ZNF133: variants seen among roughly 807,000 people sequenced by gnomAD.
ZNF133 encodes the protein zinc finger protein 133 (clone pHZ-13).
In ZNF133, 26 loss-of-function variants were observed where a neutral mutation model predicts 54.9. The observed-to-expected ratio is 0.47, with a 90% confidence interval of 0.35 to 0.66. The LOEUF is 0.66. ZNF133 is among the 30% of genes least tolerant of loss of function. The pLI is 0.01. For synonymous variants in ZNF133, 298 were observed against 320.3 expected (o/e 0.93, Z 0.74); for missense variants, 653 against 820.8 (o/e 0.80, Z 2.50).
intron 1 of ZNF133, among the ~76,000 whole-genome samples, chr20:18,289,052 C>T (rs2040291057): frequency 6.6e-6 from 1 of 152,128 alleles, no homozygotes; most frequent in Non-Finnish European, 1.5e-5. Context: ...GTCCCCGAGG[C>T]ATTGGTCGGT....
chr20:18,302,180 C>G (rs1260628162), intron 3 of ZNF133, among the ~76,000 whole-genome samples: 1 of 152,054 alleles, frequency 6.6e-6, no homozygotes, highest in Non-Finnish European at 1.5e-5. Context: ...GTTGGTGGAT[C>G]ACCTGAGGTC....
At chr20:18,311,160 A>C (rs180878641) in intron 6 of ZNF133, among the ~76,000 whole-genome samples, 1 of 152,184 alleles carries the variant, frequency 6.6e-6, no homozygotes, top group East Asian at 1.9e-4. Flanking sequence ...TCTCTAAAAA[A>C]ATTTTTATAA....
In ZNF133 at chr20:18,315,315, T is replaced by C. The variant is rs377301648; in HGVS notation, c.464T>C (p.Phe155Ser). The C allele has an allele frequency of 1.4e-4, 221 of 1,614,062 alleles. 2 individuals are homozygous for C. The Middle Eastern group carries it at 6.6e-3, about 48-fold the overall frequency. ...GAGGGAGAAGGTGCCATGCCTTTGT[T>C]TGGAAGAACCAAGAAAAGGACTCTG... ...GPEGEGAMPL[F>S]GRTKKRTLGA... Residue 155 changes from phenylalanine to serine, a missense_variant, in exon 7 of 7, where the codon TTT becomes TCT. Physicochemically the swap from Phe to Ser is radical, Grantham distance 155 (BLOSUM62 -2). Transcript: ENST00000425686.
intron 5 of ZNF133, 69 bp from the exon 6 acceptor site, chr20:18,306,229 T>C: frequency 6.8e-7 from 1 of 1,467,402 alleles, no homozygotes; most frequent in Non-Finnish European, 9.3e-7. Context: ...CTAGGCTGTT[T>C]AGCTTTGAAT....
intron 3 of ZNF133, among the ~76,000 whole-genome samples, chr20:18,299,912 T>A (rs1383325789): frequency 6.6e-6 from 1 of 152,172 alleles, no homozygotes; most frequent in Admixed American, 6.5e-5. Context: ...TGGTGGAGAT[T>A]ACAACCACTA....
Position 18,316,877 on chromosome 20 carries a change from G to A in ZNF133, c.*61G>A. On this transcript the variant is annotated 3_prime_UTR_variant, in exon 7 of 7. Coordinates refer to ENST00000425686, the MANE Select transcript of ZNF133 (RefSeq NM_001352452.2). ...GTTGACACTTTGATGAAATGGAGTA[G>A]AGAAATGCATTCTGTAAGTGGTCAA... 2.0e-6 allele frequency: 3 copies of A among 1,514,796 alleles called. No individual in the cohort carries two copies. The South Asian group carries it at 3.9e-5, about 20-fold the overall frequency. The allele number at this position is 1,514,796 out of a possible 1,614,324, so 93.8% of individuals were successfully genotyped here.
At chr20:18,292,479 G>C (rs1006288460) in intron 1 of ZNF133, among the ~76,000 whole-genome samples, 1 of 152,118 alleles carries the variant, frequency 6.6e-6, no homozygotes, top group Non-Finnish European at 1.5e-5. Context: ...CTGTTCTCTT[G>C]CCCTAGATGT....
At position 18,305,892 on chromosome 20, in the gene ZNF133, T is replaced by G. The variant is rs1322635591; in HGVS notation, c.121+85T>G. The G allele has an allele frequency of 3.3e-6, 5 of 1,525,378 alleles. No homozygotes were observed. 94.5% of individuals were successfully genotyped at this position (1,525,378 alleles called of 1,614,324 possible). ...GAAGCAGCCATCTTGCTTTGTTACTTGACCTTTGGGTTGGACCAAAAAGCA... is the reference window on the plus strand; with the variant it reads ...GAAGCAGCCATCTTGCTTTGTTACTGGACCTTTGGGTTGGACCAAAAAGCA... On this transcript the variant is annotated intron_variant, in intron 5 of 6. Coordinates refer to ENST00000425686, the MANE Select transcript of ZNF133 (RefSeq NM_001352452.2). This position sits in a 1 kb window ranked among gnomAD's most constrained non-coding sequence, Gnocchi z 4.7.
At chr20:18,308,157 T>A (rs2045075418) in intron 6 of ZNF133, among the ~76,000 whole-genome samples, 1 of 152,202 alleles carries the variant, frequency 6.6e-6, no homozygotes, top group African/African-American at 2.4e-5. Context: ...GCATTATTTT[T>A]AAATGACAGA....
At position 18,298,066 on chromosome 20, in the gene ZNF133, A is replaced by G; in HGVS notation, c.-354+4A>G. 1 of 1,535,404 alleles carries G rather than the reference A, an allele frequency of 6.5e-7. No individual in the cohort carries two copies. Among genetic ancestry groups the G allele is most frequent in the African/African-American group, 1.4e-5 (1 of 73,128 alleles). ...GTCCCGGAGAGCCAGGGGAATGGTG[A>G]GTGTTTCCTGTCTCCATTACTGGCT... On this transcript the variant is annotated splice_donor_region_variant and intron_variant, in intron 2 of 6. Coordinates refer to ENST00000425686, the MANE Select transcript of ZNF133 (RefSeq NM_001352452.2).
chr20:18,316,046 A>T lies in ZNF133; in HGVS notation c.1195A>T (p.Asn399Tyr). 6.2e-7 allele frequency: 1 copy of T among 1,613,350 alleles called. No homozygotes were observed. Among genetic ancestry groups the T allele is most frequent in the Non-Finnish European group, 8.5e-7 (1 of 1,179,846 alleles). Residue 399 changes from asparagine to tyrosine, a missense_variant, in exon 7 of 7, where the codon AAC becomes TAC. Physicochemically the swap from Asn to Tyr is moderately radical, Grantham distance 143. This residue lies in a region of ZNF133 where 292 missense variants were observed against 431.6 expected (regional missense o/e 0.68). Transcript: ENST00000425686. ...RCFRQRTTLVNHQRTHSKEKP... is the reference protein window; with the variant it reads ...RCFRQRTTLVYHQRTHSKEKP... ...CTTCAGGCAGAGGACCACCCTTGTC[A>T]ACCACCAGAGGACACACTCAAAGGA... is the stretch of plus-strand genomic sequence containing the variant.
chr20:18,294,500 C>G (rs1316853210), intron 1 of ZNF133, among the ~76,000 whole-genome samples: 1 of 152,124 alleles, frequency 6.6e-6, no homozygotes, highest in East Asian at 1.9e-4. Flanking sequence ...ATGTTAATTT[C>G]CTGCTTTTGA....
Position 18,288,542 on chromosome 20 carries a change from C to G in ZNF133, c.-494C>G. The G allele has an allele frequency of 5.0e-6, 2 of 398,614 alleles. No homozygotes were observed. Among genetic ancestry groups the G allele is most frequent in the Middle Eastern group, 6.3e-4 (1 of 1,588 alleles). The allele number at this position is 398,614 out of a possible 1,614,324, so 24.7% of individuals were successfully genotyped here. A position where few individuals can be genotyped will look rare whatever the true frequency, so the allele number is the denominator to read the frequency against. On this transcript the variant is annotated 5_prime_UTR_variant, in exon 1 of 7. Coordinates refer to ENST00000425686, the MANE Select transcript of ZNF133 (RefSeq NM_001352452.2). ...AGGATTCGGGGTAGTGTAGTCCTGG[C>G]GCCCCGCTGGAGGAGCTCCCCAGCT...
At chr20:18,307,229 T>C (rs1007151279) in intron 6 of ZNF133, among the ~76,000 whole-genome samples, 4 of 152,242 alleles carry the variant, frequency 2.6e-5, no homozygotes, top group African/African-American at 9.6e-5. Flanking sequence ...TTTTCTGTTC[T>C]TTTTGTTTGT....
chr20:18,297,843 C>T, intron 1 of ZNF133, 142 bp from the exon 2 acceptor site: 2 of 572,714 alleles, frequency 3.5e-6, no homozygotes, highest in Non-Finnish European at 6.1e-6. Flanking sequence ...TTGCTGTTTC[C>T]AAGCAGTATC....
At chr20:18,314,838 G>C in intron 6 of ZNF133, 1 of 423,060 alleles carries the variant, frequency 2.4e-6, no homozygotes, top group Non-Finnish European at 4.1e-6. Flanking sequence ...AAAAATGCCA[G>C]GGATGCTTGT....
intron 6 of ZNF133, among the ~76,000 whole-genome samples, chr20:18,308,987 G>A (rs1345853411): frequency 1.3e-5 from 2 of 152,224 alleles, no homozygotes; most frequent in African/African-American, 4.8e-5. Context: ...GAAGCCAGAA[G>A]TTCAAGATCA....
chr20:18,305,623 C>T lies in ZNF133; in HGVS notation c.-6-58C>T, dbSNP rs2079726116. On this transcript the variant is annotated intron_variant, in intron 4 of 6. Coordinates refer to ENST00000425686, the MANE Select transcript of ZNF133 (RefSeq NM_001352452.2). This position sits in a 1 kb window ranked among gnomAD's most constrained non-coding sequence, Gnocchi z 4.7. ...CCAGGGCAGCCTTATCCCTGCCCCTCACCCTGCCATGGGCAAGGCTGGCTT... is the reference window on the plus strand; with the variant it reads ...CCAGGGCAGCCTTATCCCTGCCCCTTACCCTGCCATGGGCAAGGCTGGCTT... 4 of 1,612,816 alleles carry T rather than the reference C, an allele frequency of 2.5e-6. No individual in the cohort carries two copies. Among genetic ancestry groups the T allele is most frequent in the Non-Finnish European group, 3.4e-6 (4 of 1,179,712 alleles).
chr20:18,316,742 C>A lies in ZNF133; in HGVS notation c.1891C>A (p.His631Asn). 7 of 1,614,204 alleles carry A rather than the reference C, an allele frequency of 4.3e-6. No individual in the cohort carries two copies. The highest frequency in any genetic ancestry group is 5.9e-6 in the Non-Finnish European group (7 of 1,180,030). ...LSRHRKTTSV[H>N]HRLPVQPDPE... The stretch of plus-strand genomic sequence containing the variant: ...CAGACACAGGAAGACCACGTCTGTC[C>A]ACCACAGACTGCCAGTGCAGCCCGA... The change falls in exon 7 of 7, where the codon CAC becomes AAC. Residue 631 changes from histidine (H) to asparagine (N), a missense_variant. His to Asn is a moderately conservative substitution (Grantham distance 68). Around this residue, in one of 4 missense-constraint regions of ZNF133, gnomAD observed 129 missense variants for 138.5 expected, o/e 0.93. Transcript: ENST00000425686.
Sources: gnomAD v4.1 joint callset for allele counts (sites outside exome capture counted in the v4.1 genomes callset) on GRCh38, gnomAD v4.1.1 for gene constraint, gnomAD v4.1.1 regional missense constraint, Gnocchi (gnomAD v3.1) non-coding constraint, MANE v1.5 for transcripts, NCBI Gene and HGNC (gene_info 2026-07-23, HGNC 2026-07-21) for gene names.